Variants in PDE7B observed in about 807,000 individuals in gnomAD.
The protein encoded by PDE7B is 3',5'-cyclic-AMP phosphodiesterase 7B.
PDE7B carries 29 observed loss-of-function variants against 56.2 expected under a neutral mutation model. That is an observed-to-expected ratio of 0.52 (90% confidence interval 0.38 to 0.70). PDE7B has a LOEUF of 0.70. Ranked by LOEUF, PDE7B falls within the 30% of genes least tolerant of loss-of-function variation. The probability of loss-of-function intolerance (pLI) is 0.00; values close to 1 mark genes in which losing one functional copy is unlikely to be tolerated. For missense variants in PDE7B, 490 were observed against 565.0 expected, an observed-to-expected ratio of 0.87 and a Z score of 1.35; for synonymous variants, 197 against 196.9, an observed-to-expected ratio of 1.00 and a Z score of 0.00.
intron 11 of PDE7B, among the ~76,000 whole-genome samples, chr6:136,182,436 A>G (rs1184359686): frequency 1.3e-5 from 2 of 152,208 alleles, no homozygotes; most frequent in African/African-American, 4.8e-5. Context: ...ATTAGATATA[A>G]TCAATATTTT....
chr6:136,066,309 G>T (rs1243554859), intron 2 of PDE7B, among the ~76,000 whole-genome samples: 1 of 149,836 alleles, frequency 6.7e-6, no homozygotes, highest in African/African-American at 2.4e-5. Context: ...GTTTGGGTTT[G>T]GTTTGGTCCT....
chr6:136,027,177 C>G (rs1583835671), intron 2 of PDE7B, among the ~76,000 whole-genome samples: 1 of 152,208 alleles, frequency 6.6e-6, no homozygotes, highest in East Asian at 1.9e-4. Context: ...GAGAAATGAA[C>G]TTCTGTTGTC....
intron 2 of PDE7B, among the ~76,000 whole-genome samples, chr6:135,949,564 G>C (rs1169545828): frequency 6.6e-6 from 1 of 151,994 alleles, no homozygotes; most frequent in African/African-American, 2.4e-5. Flanking sequence ...ATATGTGGCA[G>C]GTGAAATCCA....
At chr6:136,190,244 A>G (rs1779200746) in intron 12 of PDE7B, among the ~76,000 whole-genome samples, 1 of 152,184 alleles carries the variant, frequency 6.6e-6, no homozygotes, top group African/African-American at 2.4e-5. Flanking sequence ...GTACAACCTT[A>G]CCAAAATTCC....
chr6:136,069,873 C>G (rs1170334537), intron 2 of PDE7B, among the ~76,000 whole-genome samples: 1 of 151,704 alleles, frequency 6.6e-6, no homozygotes, highest in South Asian at 2.1e-4. Flanking sequence ...TGGCAAATCT[C>G]TTTTTCTGTC....
At chr6:136,150,992 G>A (rs781186596) in intron 5 of PDE7B, among the ~76,000 whole-genome samples, 168 bp from the exon 6 acceptor site, 3 of 152,188 alleles carry the variant, frequency 2.0e-5, no homozygotes, top group East Asian at 1.9e-4. Flanking sequence ...AAAAACCTAG[G>A]ATCAGATCAT....
chr6:135,941,202 C>T (rs1356821368), intron 1 of PDE7B, among the ~76,000 whole-genome samples: 1 of 152,186 alleles, frequency 6.6e-6, no homozygotes, highest in South Asian at 2.1e-4. Context: ...AAAACTTCCC[C>T]ATAGACTGAT....
At chr6:136,115,406 C>G (rs908107894) in intron 3 of PDE7B, among the ~76,000 whole-genome samples, 1 of 152,006 alleles carries the variant, frequency 6.6e-6, no homozygotes, top group South Asian at 2.1e-4. Flanking sequence ...TTATAAAATA[C>G]GCTTTAAGAC....
At chr6:135,889,633 G>T (rs540982620) in intron 1 of PDE7B, among the ~76,000 whole-genome samples, 2 of 140,792 alleles carry the variant, frequency 1.4e-5, no homozygotes, top group East Asian at 2.2e-4. Context: ...TAGAGACGGG[G>T]TTTTGCCTTG....
intron 2 of PDE7B, chr6:136,038,229 A>AGCAG (rs1776359917): frequency 7.8e-7 from 1 of 1,288,340 alleles, no homozygotes; most frequent in East Asian, 5.5e-5. Context: ...AGCAGCAGCA[A>AGCAG]CAGCAGCAGC....
At chr6:135,946,509 A>G (rs1156525935) in intron 1 of PDE7B, among the ~76,000 whole-genome samples, 2 of 152,100 alleles carry the variant, frequency 1.3e-5, no homozygotes, top group African/African-American at 4.8e-5. Context: ...GTATCATTTT[A>G]TATTCCATCC....
chr6:136,091,403 G>C (rs1014579610), intron 2 of PDE7B, among the ~76,000 whole-genome samples: 2 of 152,210 alleles, frequency 1.3e-5, no homozygotes, highest in African/African-American at 4.8e-5. Context: ...AGAATCCTGT[G>C]ATTAGAAGGT....
intron 2 of PDE7B, among the ~76,000 whole-genome samples, chr6:136,102,157 T>C (rs957354799): frequency 2.6e-5 from 4 of 152,040 alleles, no homozygotes; most frequent in African/African-American, 9.7e-5. Flanking sequence ...CACACACCTA[T>C]GCCTGGGGCT....
chr6:136,034,219 T>C (rs927013251), intron 2 of PDE7B: 1 of 152,214 alleles, frequency 6.6e-6, no homozygotes, highest in Non-Finnish European at 1.5e-5. Flanking sequence ...AAATCATGTA[T>C]AATAAATGCT....
At chr6:136,065,802 C>G (rs886793055) in intron 2 of PDE7B, among the ~76,000 whole-genome samples, 3 of 152,152 alleles carry the variant, frequency 2.0e-5, no homozygotes, top group African/African-American at 7.2e-5. Flanking sequence ...GCATAAATTT[C>G]AGAAAGATCA....
intron 3 of PDE7B, among the ~76,000 whole-genome samples, chr6:136,142,113 C>T (rs754628375): frequency 6.6e-6 from 1 of 152,152 alleles, no homozygotes; most frequent in South Asian, 2.1e-4. Context: ...TTTCCCTCTA[C>T]ACACTGCTTT....
At position 136,025,599 on chromosome 6, in the gene PDE7B, C is replaced by A. The variant is rs547501764; in HGVS notation, c.82+78075C>A. Among the ~76,000 whole-genome samples the A allele has an allele frequency of 1.8e-4, 28 of 152,330 alleles. 1 individual carries two copies. In the East Asian group the frequency reaches 4.6e-3, roughly 25 times the overall value. Reference sequence around the variant, plus strand: ...ACACGGGAACCTAGCCTTTCTATCACTCTGCAACACCTTTGAAAAGAAGGA... The same window carrying A: ...ACACGGGAACCTAGCCTTTCTATCAATCTGCAACACCTTTGAAAAGAAGGA... On this transcript the variant is annotated intron_variant, in intron 2 of 12. Transcript: ENST00000308191.
intron 2 of PDE7B, among the ~76,000 whole-genome samples, chr6:136,040,616 G>A (rs1776397649): frequency 1.3e-5 from 2 of 152,134 alleles, no homozygotes; most frequent in African/African-American, 4.8e-5. Context: ...GGTGATTTAA[G>A]CTGTTTTCAG....
At chr6:135,864,605 C>T (rs1306661997) in intron 1 of PDE7B, among the ~76,000 whole-genome samples, 9 of 151,824 alleles carry the variant, frequency 5.9e-5, no homozygotes, top group Non-Finnish European at 1.3e-4. Context: ...TGTTTGTAGC[C>T]CTATTTTCAT....
Sources: gnomAD v4.1 joint callset for allele counts (sites outside exome capture counted in the v4.1 genomes callset) on GRCh38, gnomAD v4.1.1 for gene constraint, MANE v1.5 for transcripts, NCBI Gene and HGNC (gene_info 2026-07-23, HGNC 2026-07-21) for gene names.